The following ATAD3B variants were observed in gnomAD, a reference collection of about 807,000 sequenced individuals.
The protein encoded by ATAD3B is ATPase family AAA domain containing 3B, also known as ATPase family AAA domain-containing protein 3B.
A neutral mutation model predicts 70.2 loss-of-function variants in ATAD3B; 59 were observed. The ratio of observed to expected loss-of-function variants is 0.84; its 90% CI spans 0.68 to 1.04. ATAD3B has a LOEUF of 1.04. Among genes scored for constraint, ATAD3B ranks in the 50% least tolerant of loss-of-function variants. The pLI, the probability that ATAD3B is intolerant of heterozygous loss-of-function variation, is 0.00. For synonymous variants in ATAD3B, 423 were observed against 388.6 expected (o/e 1.09, Z -1.04); for missense variants, 961 against 913.4 (o/e 1.05, Z -0.67).
chr1:1,486,354 G>A (rs77085485), intron 10 of ATAD3B, 119 bp downstream of exon 10: 49 of 1,589,464 alleles, frequency 3.1e-5, no homozygotes, highest in Non-Finnish European at 3.4e-5. Flanking sequence ...GCCTACCCTC[G>A]TGTAGGCTCA....
rs569293578 is a variant in ATAD3B at position 1,475,234 on chromosome 1, G to T, written c.206-2040G>T. Among the ~76,000 whole-genome samples, 42 of 149,252 alleles carry T rather than the reference G, an allele frequency of 2.8e-4. 2 individuals carry two copies. In the East Asian group the frequency reaches 7.7e-3, roughly 27 times the overall value. ...GTGCACCGTGGGGAGCCCTCCATCAGGCTTTTGTTTCTGTGGATTGTGTTC... is the reference window on the plus strand; with the variant it reads ...GTGCACCGTGGGGAGCCCTCCATCATGCTTTTGTTTCTGTGGATTGTGTTC... On this transcript the variant is annotated intron_variant, in intron 1 of 15. Coordinates refer to ENST00000673477, the MANE Select transcript of ATAD3B (RefSeq NM_031921.6).
the ATAD3B span, chr1:1,503,743 G>T: frequency 6.3e-7 from 1 of 1,575,668 alleles, no homozygotes; most frequent in Non-Finnish European, 8.6e-7. Context: ...CTGCCGGTGG[G>T]TAGGGCTGGT....
chr1:1,490,954 G>A (rs1640512752), intron 15 of ATAD3B, among the ~76,000 whole-genome samples: 2 of 152,004 alleles, frequency 1.3e-5, no homozygotes, highest in Non-Finnish European at 2.9e-5. Flanking sequence ...GCTCTGCTGG[G>A]TGTGGTGGGA....
chr1:1,503,601 C>G, the ATAD3B span: 1 of 1,612,310 alleles, frequency 6.2e-7, no homozygotes, highest in Non-Finnish European at 8.5e-7. Context: ...CAAAGGACGC[C>G]CTGAATGTGG....
chr1:1,471,855 G>C lies in ATAD3B; in HGVS notation c.-30G>C, dbSNP rs780204719. ...CGAGTCAGACTCGGGTGGGGGTCCC[G>C]GCGGCGGTAGCGGCGGCGGCGGTGC... On this transcript the variant is annotated 5_prime_UTR_variant, in exon 1 of 16. Transcript: ENST00000673477. 6 of 1,255,590 alleles carry C rather than the reference G, an allele frequency of 4.8e-6. No homozygotes were observed. The African/African-American group carries it at 7.7e-5, about 16-fold the overall frequency. 77.8% of individuals were successfully genotyped at this position (1,255,590 alleles called of 1,614,324 possible).
chr1:1,488,049 G>A, intron 12 of ATAD3B, 135 bp downstream of exon 12: 1 of 1,267,492 alleles, frequency 7.9e-7, no homozygotes. Flanking sequence ...CTGCCTCCTG[G>A]GTTCAAGCTG....
chr1:1,494,635 G>T (rs927105235), intron 15 of ATAD3B, among the ~76,000 whole-genome samples: 6 of 151,994 alleles, frequency 3.9e-5, no homozygotes, highest in Non-Finnish European at 8.8e-5. Flanking sequence ...CCCATGACAG[G>T]TTCTGTCATG....
chr1:1,480,716 C>G (rs573382019), intron 4 of ATAD3B, 151 bp from the exon 5 acceptor site: 2 of 1,423,858 alleles, frequency 1.4e-6, no homozygotes, highest in Non-Finnish European at 9.3e-7. Flanking sequence ...CGATGTCACC[C>G]GTGTCTGTGT....
rs1337281304 is a variant in ATAD3B, at chr1:1,485,023, G to C, written c.758G>C (p.Gly253Ala). 6.9e-6 allele frequency: 11 copies of C among 1,602,422 alleles called. No individual in the cohort carries two copies. Among genetic ancestry groups the C allele is most frequent in the Non-Finnish European group, 8.5e-6 (10 of 1,175,930 alleles). ...GCGGTGTCTCTGCTGCAGGTGGCTG[G>C]GCTGACGCTGCTGGCTGTCGGGGTC... Reference protein sequence around the residue: ...DRDKVTATVAGLTLLAVGVYS... With the variant: ...DRDKVTATVAALTLLAVGVYS... Residue 253 changes from glycine (G) to alanine (A), a missense_variant, in exon 8 of 16, where the codon GGG becomes GCG. Coordinates refer to ENST00000673477, the MANE Select transcript of ATAD3B (RefSeq NM_031921.6).
In ATAD3B at chr1:1,495,567, G is replaced by T; in HGVS notation, c.1697G>T (p.Arg566Leu). 6 of 1,613,236 alleles carry T rather than the reference G, an allele frequency of 3.7e-6. No homozygotes were observed. Among genetic ancestry groups the T allele is most frequent in the Non-Finnish European group, 5.1e-6 (6 of 1,179,480 alleles). ...GTGCAAGATGCTGTCCAGCAGTACC[G>T]ACAGAAGATGCGCTGGCTGAAGGCG... ...ACVQDAVQQYRQKMRWLKAEG... is the reference protein window; with the variant it reads ...ACVQDAVQQYLQKMRWLKAEG... The change falls in exon 16 of 16, where the codon CGA becomes CTA. Residue 566 changes from arginine (R) to leucine (L), a missense_variant. Arg to Leu is a moderately radical substitution (Grantham distance 102). This residue lies in a region of ATAD3B where 417 missense variants were observed against 335.0 expected (regional missense o/e 1.24). Transcript: ENST00000673477.
At chr1:1,486,007 T>A in intron 9 of ATAD3B, 103 bp from the exon 10 acceptor site, 1 of 1,595,586 alleles carries the variant, frequency 6.3e-7, no homozygotes, top group South Asian at 1.1e-5. Context: ...GCTGGGCGGC[T>A]TCCTGAGGAG....
chr1:1,493,254 A>G (rs886916931), intron 15 of ATAD3B, among the ~76,000 whole-genome samples: 3 of 151,856 alleles, frequency 2.0e-5, no homozygotes, highest in African/African-American at 7.3e-5. Flanking sequence ...TTCTTGTCCC[A>G]TATCTCTGGC....
chr1:1,478,288 C>A, intron 2 of ATAD3B: 1 of 875,110 alleles, frequency 1.1e-6, no homozygotes, highest in Non-Finnish European at 1.7e-6. Flanking sequence ...AGAGCGATGG[C>A]GCCCGGCCCA....
chr1:1,502,312 T>C (rs1370786620), downstream of ATAD3B, among the ~76,000 whole-genome samples: 1 of 151,686 alleles, frequency 6.6e-6, no homozygotes, highest in Non-Finnish European at 1.5e-5. Flanking sequence ...CCTCCCGGGT[T>C]CACGCCATTC....
the ATAD3B span, among the ~76,000 whole-genome samples, chr1:1,505,606 G>A: frequency 1.3e-5 from 2 of 152,148 alleles, no homozygotes; most frequent in Admixed American, 6.5e-5. Flanking sequence ...CTTAGGTCAC[G>A]GGTGCCTTCC....
chr1:1,495,203 C>T (rs1190443265), intron 15 of ATAD3B, among the ~76,000 whole-genome samples: 1 of 152,026 alleles, frequency 6.6e-6, no homozygotes, highest in African/African-American at 2.4e-5. Context: ...GGAAGCTGCC[C>T]TGGGTCAGCC....
chr1:1,502,341 A>T (rs1640963383), downstream of ATAD3B, among the ~76,000 whole-genome samples: 1 of 148,418 alleles, frequency 6.7e-6, no homozygotes, highest in Non-Finnish European at 1.5e-5. Context: ...CAGCCTCCTT[A>T]GTAGCTGGGA....
In ATAD3B at chr1:1,480,734, C is replaced by T. The variant is rs564064817; in HGVS notation, c.445-133C>T. The T allele has an allele frequency of 2.3e-5, 34 of 1,476,062 alleles. 3 individuals carry two copies. Among genetic ancestry groups the T allele is most frequent in the Admixed American group, 9.3e-5 (4 of 43,224 alleles). 91.4% of individuals were successfully genotyped at this position (1,476,062 alleles called of 1,614,324 possible). ...TGTCACCCGTGTCTGTGTCAGGGTG[C>T]GGCGTCTGCAGGTCCCCAGGTGCCC... On this transcript the variant is annotated intron_variant, in intron 4 of 15. Transcript: ENST00000673477.
At chr1:1,505,684 C>T in the ATAD3B span, among the ~76,000 whole-genome samples, 1 of 152,096 alleles carries the variant, frequency 6.6e-6, no homozygotes, top group Non-Finnish European at 1.5e-5. Context: ...ACGGAAGGCT[C>T]GCACTCTTGT....
Sources: gnomAD v4.1 joint callset for allele counts (sites outside exome capture counted in the v4.1 genomes callset) on GRCh38, gnomAD v4.1.1 for gene constraint, gnomAD v4.1.1 regional missense constraint, MANE v1.5 for transcripts, NCBI Gene and HGNC (gene_info 2026-07-23, HGNC 2026-07-21) for gene names.